Variants in THSD7A observed in about 807,000 individuals in gnomAD.
THSD7A encodes thrombospondin type-1 domain-containing protein 7A.
A neutral mutation model predicts 231.3 loss-of-function variants in THSD7A; 96 were observed. The ratio of observed to expected loss-of-function variants is 0.41; its 90% CI spans 0.35 to 0.49. The LOEUF (loss-of-function observed/expected upper bound fraction) is 0.49. Among genes scored for constraint, THSD7A ranks in the 20% least tolerant of loss-of-function variants. THSD7A has a pLI of 0.05. For synonymous variants in THSD7A, 940 were observed against 743.3 expected (o/e 1.26, Z -4.30); for missense variants, 2,290 against 2,070.2 (o/e 1.11, Z -2.06).
At chr7:11,643,010 G>A (rs905558076) in intron 1 of THSD7A, among the ~76,000 whole-genome samples, 1 of 152,070 alleles carries the variant, frequency 6.6e-6, no homozygotes, top group Non-Finnish European at 1.5e-5. Flanking sequence ...CCACATTATT[G>A]ACAGGTGGCC....
Position 11,379,069 on chromosome 7 carries a change from C to T in THSD7A, c.4801+1G>A. ...TTTCAACACTAGTCTAGTCAGTTCACCTGGCCCAAATGGCTGTAGAAACCA... is the reference window on the plus strand; with the variant it reads ...TTTCAACACTAGTCTAGTCAGTTCATCTGGCCCAAATGGCTGTAGAAACCA... On this transcript the variant is annotated splice_donor_variant, in intron 26 of 27. Coordinates refer to ENST00000423059, the MANE Select transcript of THSD7A (RefSeq NM_015204.3). LOFTEE classifies it high-confidence loss of function. 1 of 1,612,828 alleles carries T rather than the reference C, an allele frequency of 6.2e-7. No individual in the cohort carries two copies.
At chr7:11,546,038 C>A (rs1461691328) in intron 4 of THSD7A, among the ~76,000 whole-genome samples, 1 of 152,140 alleles carries the variant, frequency 6.6e-6, no homozygotes, top group Non-Finnish European at 1.5e-5. Flanking sequence ...AATGAGGGTG[C>A]TTTCCAGCAG....
At chr7:11,709,490 T>G (rs1780880657) in intron 1 of THSD7A, among the ~76,000 whole-genome samples, 1 of 150,796 alleles carries the variant, frequency 6.6e-6, no homozygotes, top group Non-Finnish European at 1.5e-5. Flanking sequence ...CAGGTTTGCT[T>G]CTGTGGCCAT....
At chr7:11,708,103 A>G (rs1436871626) in intron 1 of THSD7A, among the ~76,000 whole-genome samples, 1 of 150,742 alleles carries the variant, frequency 6.6e-6, no homozygotes, top group Non-Finnish European at 1.5e-5. Flanking sequence ...TGCGTTATTA[A>G]TCTTCAAAAT....
chr7:11,540,411 TG>T (rs1789095023), intron 6 of THSD7A, among the ~76,000 whole-genome samples: 1 of 152,220 alleles, frequency 6.6e-6, no homozygotes, highest in South Asian at 2.1e-4. Flanking sequence ...GAAACAATTC[TG>T]CTTACTGGAA....
At chr7:11,581,552 T>G (rs1001294405) in intron 4 of THSD7A, among the ~76,000 whole-genome samples, 2 of 145,260 alleles carry the variant, frequency 1.4e-5, no homozygotes, top group African/African-American at 5.0e-5. Flanking sequence ...ACTCATGAAT[T>G]TTCACATGTT....
chr7:11,535,919 T>A (rs1462430838), intron 6 of THSD7A, among the ~76,000 whole-genome samples: 1 of 152,128 alleles, frequency 6.6e-6, no homozygotes, highest in East Asian at 1.9e-4. Flanking sequence ...TCTACCACTC[T>A]CCCTTGTACA....
Position 11,632,938 on chromosome 7 carries a change from C to T in THSD7A, c.1022+3192G>A, listed in dbSNP as rs1781708002. On this transcript the variant is annotated intron_variant, in intron 2 of 27. Coordinates refer to ENST00000423059, the MANE Select transcript of THSD7A (RefSeq NM_015204.3). This position sits in a 1 kb window ranked among gnomAD's most constrained non-coding sequence, Gnocchi z 4.1. ...CATCAGCGTTTCATATAGTAATGTC[C>T]TTTGTTTGCATATCCATTATCTCTT... Among the ~76,000 whole-genome samples the T allele has an allele frequency of 6.6e-6, 1 of 152,184 alleles. No homozygotes were observed. The highest frequency in any genetic ancestry group is 1.9e-4 in the East Asian group (1 of 5,176).
intron 1 of THSD7A, among the ~76,000 whole-genome samples, chr7:11,766,787 A>C (rs1034766597): frequency 6.6e-6 from 1 of 152,200 alleles, no homozygotes; most frequent in Non-Finnish European, 1.5e-5. Flanking sequence ...AACAGGGAGA[A>C]ACAGTTTAGC....
chr7:11,728,769 T>C, intron 1 of THSD7A, among the ~76,000 whole-genome samples: 1 of 151,824 alleles, frequency 6.6e-6, no homozygotes, highest in East Asian at 1.9e-4. Flanking sequence ...ACTTGTATAC[T>C]AAATATTAGT....
chr7:11,522,947 T>A (rs1432797549), intron 6 of THSD7A, among the ~76,000 whole-genome samples: 1 of 152,154 alleles, frequency 6.6e-6, no homozygotes, highest in Non-Finnish European at 1.5e-5. Context: ...ATTTTATAAG[T>A]GTCTGTAGAA....
chr7:11,443,016 T>C (rs2128293585), intron 13 of THSD7A, among the ~76,000 whole-genome samples: 2 of 152,248 alleles, frequency 1.3e-5, no homozygotes, highest in South Asian at 4.1e-4. Context: ...TCAATTATTT[T>C]TGTTCTTTTA....
intron 2 of THSD7A, among the ~76,000 whole-genome samples, chr7:11,633,562 A>G (rs1781730887): frequency 6.6e-6 from 1 of 152,180 alleles, no homozygotes; most frequent in African/African-American, 2.4e-5. Flanking sequence ...CTGAGTGTTC[A>G]TGAAAGCTGT....
intron 11 of THSD7A, among the ~76,000 whole-genome samples, chr7:11,457,278 A>G (rs1462068272): frequency 6.6e-6 from 1 of 152,032 alleles, no homozygotes; most frequent in Non-Finnish European, 1.5e-5. Flanking sequence ...TCAAATATAA[A>G]CTGTATAAAA....
chr7:11,498,660 C>A (rs1787208636), intron 6 of THSD7A, among the ~76,000 whole-genome samples: 1 of 152,172 alleles, frequency 6.6e-6, no homozygotes, highest in Admixed American at 6.5e-5. Context: ...GGTCCTCATC[C>A]TATTCCTCCT....
intron 26 of THSD7A, 39 bp downstream of exon 26, chr7:11,379,031 C>A (rs1340936420): frequency 4.4e-6 from 7 of 1,600,496 alleles, no homozygotes; most frequent in Non-Finnish European, 4.3e-6. Flanking sequence ...CCTAAAAGAA[C>A]TAAAGGTTTC....
At chr7:11,738,591 C>A (rs958816456) in intron 1 of THSD7A, among the ~76,000 whole-genome samples, 4 of 151,942 alleles carry the variant, frequency 2.6e-5, no homozygotes, top group Non-Finnish European at 5.9e-5. Context: ...TCAGAGTCCT[C>A]GCTCTAAACT....
At chr7:11,759,777 C>A (rs1782797283) in intron 1 of THSD7A, among the ~76,000 whole-genome samples, 1 of 152,028 alleles carries the variant, frequency 6.6e-6, no homozygotes, top group African/African-American at 2.4e-5. Flanking sequence ...CTGGGCAAAG[C>A]AGTCTTTCAT....
intron 1 of THSD7A, among the ~76,000 whole-genome samples, chr7:11,644,171 CT>C (rs1191428157): frequency 6.6e-6 from 1 of 151,876 alleles, no homozygotes; most frequent in Non-Finnish European, 1.5e-5. Flanking sequence ...ATCGAAACAT[CT>C]TTTTGCTTAT....
Sources: allele counts gnomAD v4.1 joint callset (sites outside exome capture counted in the v4.1 genomes callset), GRCh38; gene constraint gnomAD v4.1.1; non-coding constraint Gnocchi (gnomAD v3.1); transcripts MANE v1.5; gene names NCBI Gene and HGNC (gene_info 2026-07-23, HGNC 2026-07-21).